The following TMEM114 variants were observed in gnomAD, a reference collection of about 807,000 sequenced individuals.
TMEM114 encodes the protein claudin-26.
In TMEM114, 6 loss-of-function variants were observed where a neutral mutation model predicts 6.2. The observed-to-expected ratio is 0.97, with a 90% CI of 0.53 to 1.91. TMEM114 has a LOEUF of 1.91. Ranked by LOEUF, TMEM114 falls within the 40% of genes most tolerant of loss-of-function variation. The pLI is 0.01. For synonymous variants in TMEM114, 104 were observed against 73.0 expected (o/e 1.42, Z -2.16); for missense variants, 218 against 158.3 (o/e 1.38, Z -2.02).
intron 2 of TMEM114, among the ~76,000 whole-genome samples, chr16:8,574,824 C>G (rs1057034571): frequency 6.6e-5 from 10 of 152,080 alleles, no homozygotes; most frequent in African/African-American, 1.7e-4. Flanking sequence ...TGTCCACATT[C>G]GATTAAACGC....
At chr16:8,572,514 C>T (rs972469931) in intron 2 of TMEM114, among the ~76,000 whole-genome samples, 13 of 152,204 alleles carry the variant, frequency 8.5e-5, no homozygotes, top group African/African-American at 3.1e-4. Flanking sequence ...TGGCTCACTG[C>T]AGCCTCAACC....
intron 2 of TMEM114, among the ~76,000 whole-genome samples, chr16:8,575,947 C>T (rs1901909948): frequency 6.6e-6 from 1 of 152,168 alleles, no homozygotes; most frequent in Non-Finnish European, 1.5e-5. Context: ...TAATGAACTC[C>T]TGTGATGGAG....
intron 2 of TMEM114, among the ~76,000 whole-genome samples, chr16:8,580,259 G>A (rs1426274659): frequency 6.6e-6 from 1 of 152,136 alleles, no homozygotes; most frequent in South Asian, 2.1e-4. Context: ...GGCCAAGGCA[G>A]GCAGATCACT....
chr16:8,573,464 TG>T (rs1249251479), intron 2 of TMEM114, among the ~76,000 whole-genome samples: 5 of 152,078 alleles, frequency 3.3e-5, no homozygotes, highest in African/African-American at 1.2e-4. Flanking sequence ...AGACCCATGA[TG>T]AGGGGTGAAT....
chr16:8,542,034 A>G (rs961537485), intron 2 of TMEM114, among the ~76,000 whole-genome samples: 23 of 152,184 alleles, frequency 1.5e-4, no homozygotes, highest in African/African-American at 5.3e-4. Flanking sequence ...GGTGACCAAG[A>G]AAAAGCACGC....
At chr16:8,538,104 G>A (rs1480099098) in intron 2 of TMEM114, among the ~76,000 whole-genome samples, 1 of 134,182 alleles carries the variant, frequency 7.5e-6, no homozygotes, top group African/African-American at 2.8e-5. Context: ...TTCGAGACCA[G>A]CCTGGACAGC....
downstream of TMEM114, among the ~76,000 whole-genome samples, chr16:8,567,684 A>C (rs1472195015): frequency 6.6e-6 from 1 of 152,170 alleles, no homozygotes; most frequent in Non-Finnish European, 1.5e-5. Flanking sequence ...GGGGGAGAGA[A>C]TCGCCCCAGC....
At chr16:8,556,104 C>G (rs1025004280) in intron 2 of TMEM114, among the ~76,000 whole-genome samples, 1 of 152,234 alleles carries the variant, frequency 6.6e-6, no homozygotes, top group Non-Finnish European at 1.5e-5. Context: ...AGAACCCGGT[C>G]TCTTCTTCCT....
chr16:8,585,038 T>C (rs557822357), intron 2 of TMEM114, among the ~76,000 whole-genome samples: 64 of 151,938 alleles, frequency 4.2e-4, no homozygotes, highest in African/African-American at 1.3e-3. Flanking sequence ...CAGTTCCACA[T>C]GGCTGGGGAG....
intron 2 of TMEM114, among the ~76,000 whole-genome samples, chr16:8,577,891 G>A (rs554208791): frequency 6.6e-6 from 1 of 152,230 alleles, no homozygotes; most frequent in South Asian, 2.1e-4. Context: ...GTTTTCAAAA[G>A]CACTGAACTC....
chr16:8,571,969 G>A (rs1019064017), intron 3 of TMEM114, 118 bp downstream of exon 3: 17 of 1,260,884 alleles, frequency 1.3e-5, no homozygotes, highest in Non-Finnish European at 1.8e-5. Flanking sequence ...ATCCCAGAAG[G>A]GGAAACTGAA....
At chr16:8,538,516 GT>G (rs34436612) in intron 2 of TMEM114, among the ~76,000 whole-genome samples, 21,473 of 150,358 alleles carry the variant, frequency 0.14, 2,249 homozygotes, top group African/African-American at 0.29. Context: ...TTTGTTTTTT[GT>G]TTTTTTTTGA....
intron 2 of TMEM114, among the ~76,000 whole-genome samples, chr16:8,588,661 G>A (rs939682314): frequency 5.7e-4 from 87 of 152,316 alleles, no homozygotes; most frequent in African/African-American, 1.9e-3. Flanking sequence ...GTGGACCTGA[G>A]AGGAGGGGCT....
chr16:8,529,549 G>A, the TMEM114 span, among the ~76,000 whole-genome samples: 1 of 152,134 alleles, frequency 6.6e-6, no homozygotes, highest in Admixed American at 6.5e-5. Flanking sequence ...TTGTTTAAAT[G>A]CTGATTCCCA....
At chr16:8,543,498 T>A (rs1368874448) in intron 2 of TMEM114, among the ~76,000 whole-genome samples, 1 of 151,592 alleles carries the variant, frequency 6.6e-6, no homozygotes, top group Non-Finnish European at 1.5e-5. Context: ...GCACCATGCT[T>A]CATTCCTCCA....
chr16:8,531,823 G>A, the TMEM114 span: 1 of 152,178 alleles, frequency 6.6e-6, no homozygotes, highest in African/African-American at 2.4e-5. Context: ...GCACTCAGAG[G>A]GATTGTCAAT....
At chr16:8,560,859 C>G (rs766240724) in intron 2 of TMEM114, among the ~76,000 whole-genome samples, 1 of 152,158 alleles carries the variant, frequency 6.6e-6, no homozygotes, top group South Asian at 2.1e-4. Context: ...TAAAGACATA[C>G]CTGAGACTGG....
the TMEM114 span, among the ~76,000 whole-genome samples, chr16:8,532,200 G>C: frequency 6.6e-6 from 1 of 152,162 alleles, no homozygotes; most frequent in Non-Finnish European, 1.5e-5. Context: ...ACAATGCGTA[G>C]GCTGCTCAGA....
At chr16:8,588,007 C>G (rs921214855) in intron 2 of TMEM114, among the ~76,000 whole-genome samples, 1 of 151,970 alleles carries the variant, frequency 6.6e-6, no homozygotes, top group Non-Finnish European at 1.5e-5. Context: ...AAAACTGATA[C>G]CAATGCAGTG....
Sources: allele counts gnomAD v4.1 joint callset (sites outside exome capture counted in the v4.1 genomes callset), GRCh38; gene constraint gnomAD v4.1.1; transcripts MANE v1.5; gene names NCBI Gene and HGNC (gene_info 2026-07-23, HGNC 2026-07-21).